MAST4: variants seen among roughly 807,000 people sequenced by gnomAD.
The protein encoded by MAST4 is microtubule-associated serine/threonine-protein kinase 4.
MAST4 carries 89 observed loss-of-function variants against 162.7 expected under a neutral mutation model. That is an observed-to-expected ratio of 0.55 (90% CI 0.46 to 0.65). MAST4 has a LOEUF of 0.65. Among genes scored for constraint, MAST4 ranks in the 30% least tolerant of loss-of-function variants. MAST4 has a pLI of 0.00. For synonymous variants in MAST4, 1,479 were observed against 1,361.1 expected, an observed-to-expected ratio of 1.09 and a Z score of -1.91; for missense variants, 3,153 against 3,374.0, an observed-to-expected ratio of 0.93 and a Z score of 1.62.
At chr5:66,844,742 A>G (rs1284767167) in intron 3 of MAST4, among the ~76,000 whole-genome samples, 1 of 152,112 alleles carries the variant, frequency 6.6e-6, no homozygotes, top group Non-Finnish European at 1.5e-5. Flanking sequence ...GTAGATGAGT[A>G]TAAAGAGTGC....
intron 4 of MAST4, among the ~76,000 whole-genome samples, chr5:66,951,172 T>C (rs1744635558): frequency 6.6e-6 from 1 of 152,224 alleles, no homozygotes; most frequent in Non-Finnish European, 1.5e-5. Flanking sequence ...AGGAAAGCAT[T>C]AAATCGAAGA....
chr5:66,716,952 A>C (rs16895533), intron 1 of MAST4, among the ~76,000 whole-genome samples: 5 of 152,204 alleles, frequency 3.3e-5, no homozygotes, highest in Admixed American at 6.5e-5. Context: ...TGCATTATGC[A>C]TGGGTCTCAC....
Position 67,028,927 on chromosome 5 carries a change from A to G in MAST4, c.675-25477A>G, listed in dbSNP as rs190342473. On this transcript the variant is annotated intron_variant, in intron 4 of 28. Transcript: ENST00000403625. The stretch of plus-strand genomic sequence containing the variant: ...GTGAATCGCTTAAGCCAAGGAGTTC[A>G]AGACCAGCCTGGGCAACATGGCAAA... 3.6e-3 allele frequency among the ~76,000 whole-genome samples: 548 copies of G among 152,186 alleles called. 6 individuals carry two copies. The highest frequency in any genetic ancestry group is 0.013 in the African/African-American group (521 of 41,538).
chr5:66,759,119 G>A (rs1018400935), intron 1 of MAST4, among the ~76,000 whole-genome samples: 4 of 152,178 alleles, frequency 2.6e-5, no homozygotes. Flanking sequence ...AAGCTATAAA[G>A]TGACGTAGGG....
chr5:67,010,863 G>A (rs1031767425), intron 4 of MAST4, among the ~76,000 whole-genome samples: 2 of 152,094 alleles, frequency 1.3e-5, no homozygotes, highest in African/African-American at 4.8e-5. Context: ...CATAACCCAG[G>A]AGAGAGTGAA....
At chr5:66,774,371 AGGG>A (rs1211313483) in intron 2 of MAST4, among the ~76,000 whole-genome samples, 2 of 152,194 alleles carry the variant, frequency 1.3e-5, no homozygotes, top group African/African-American at 4.8e-5. Context: ...CAGTAAACAA[AGGG>A]GGGAATAATA....
At chr5:66,986,709 C>T (rs1270749902) in intron 4 of MAST4, among the ~76,000 whole-genome samples, 1 of 151,592 alleles carries the variant, frequency 6.6e-6, no homozygotes, top group Admixed American at 6.6e-5. Context: ...CAGCCTCAAG[C>T]TCCTGGGTTC....
At chr5:66,789,473 C>T (rs1468802117) in intron 3 of MAST4, among the ~76,000 whole-genome samples, 4 of 152,158 alleles carry the variant, frequency 2.6e-5, no homozygotes, top group Non-Finnish European at 1.5e-5. Context: ...GGGATGTTTC[C>T]ACAGTCTTTG....
At chr5:66,739,816 C>A (rs888625022) in intron 1 of MAST4, among the ~76,000 whole-genome samples, 4 of 150,694 alleles carry the variant, frequency 2.7e-5, no homozygotes, top group Non-Finnish European at 4.4e-5. Flanking sequence ...TTTTTTTCTG[C>A]CAAGCAGGAT....
At chr5:67,112,309 T>C (rs1766338784) in intron 11 of MAST4, among the ~76,000 whole-genome samples, 1 of 152,120 alleles carries the variant, frequency 6.6e-6, no homozygotes, top group Non-Finnish European at 1.5e-5. Flanking sequence ...CTGACACCAG[T>C]TATGTGGGAA....
intron 3 of MAST4, among the ~76,000 whole-genome samples, chr5:66,821,284 G>A (rs1013429037): frequency 3.9e-5 from 6 of 152,132 alleles, no homozygotes; most frequent in African/African-American, 7.2e-5. Context: ...TATTTGGTGA[G>A]AAAAAGACAT....
chr5:66,899,742 A>G (rs1762892062), intron 3 of MAST4, among the ~76,000 whole-genome samples: 1 of 152,152 alleles, frequency 6.6e-6, no homozygotes, highest in Non-Finnish European at 1.5e-5. Context: ...GAATTCAGAT[A>G]AGCTGTGTTT....
chr5:66,913,549 C>G (rs1344361534), intron 4 of MAST4, among the ~76,000 whole-genome samples: 5 of 152,262 alleles, frequency 3.3e-5, no homozygotes, highest in African/African-American at 9.6e-5. Context: ...TTGTTTATAG[C>G]TTTTGACCAT....
intron 1 of MAST4, among the ~76,000 whole-genome samples, chr5:66,757,173 G>A (rs1031631989): frequency 6.6e-6 from 1 of 151,984 alleles, no homozygotes; most frequent in Non-Finnish European, 1.5e-5. Context: ...GTAATTAATT[G>A]TAATTCTACA....
intron 3 of MAST4, among the ~76,000 whole-genome samples, chr5:66,866,439 C>T (rs1580705233): frequency 6.6e-6 from 1 of 152,136 alleles, no homozygotes; most frequent in South Asian, 2.1e-4. Context: ...CTTTGATGTT[C>T]ATTTGGGTTT....
intron 1 of MAST4, among the ~76,000 whole-genome samples, chr5:66,737,549 G>T (rs1171894772): frequency 1.3e-5 from 2 of 152,188 alleles, no homozygotes; most frequent in African/African-American, 4.8e-5. Context: ...CTGGGCAGCT[G>T]AGAGTCCCTC....
chr5:67,147,378 A>T (rs1344114440), intron 23 of MAST4, among the ~76,000 whole-genome samples: 4 of 152,250 alleles, frequency 2.6e-5, no homozygotes, highest in Non-Finnish European at 2.9e-5. Context: ...AAGTGACATT[A>T]TCTACCATTG....
rs1430671447 is a variant in MAST4, at chr5:67,168,900, AC to A, written c.*1850del. ...ATTGGCTTTGGGAAAAAGGAAAAAA[AC>A]AAACAAAAAAAGAAAAAGAAAAAAG... On this transcript the variant is annotated 3_prime_UTR_variant, in exon 29 of 29. Coordinates refer to ENST00000403625, the MANE Select transcript of MAST4 (RefSeq NM_001164664.2). 3 of 152,198 alleles carry A rather than the reference AC, an allele frequency of 2.0e-5. No individual in the cohort carries two copies. Among genetic ancestry groups the A allele is most frequent in the African/African-American group, 7.2e-5 (3 of 41,456 alleles). 9.4% of individuals were successfully genotyped at this position (152,198 alleles called of 1,614,324 possible).
At chr5:67,156,250 TAAC>T (rs1772513318) in intron 26 of MAST4, among the ~76,000 whole-genome samples, 1 of 151,934 alleles carries the variant, frequency 6.6e-6, no homozygotes, top group Non-Finnish European at 1.5e-5. Flanking sequence ...CAGAAGAAGA[TAAC>T]AAAGCAATCT....
Sources: allele counts gnomAD v4.1 joint callset (sites outside exome capture counted in the v4.1 genomes callset), GRCh38; gene constraint gnomAD v4.1.1; transcripts MANE v1.5; gene names NCBI Gene and HGNC (gene_info 2026-07-23, HGNC 2026-07-21).